Variants in IFT56 observed in about 807,000 individuals in gnomAD.
IFT56 encodes intraflagellar transport protein 56.
the IFT56 span, chr7:139,166,995 C>T: frequency 1.4e-6 from 1 of 698,970 alleles, no homozygotes. Context: ...TAGGCAGACT[C>T]CTGCCTGTAG....
chr7:139,141,021 G>C, the IFT56 span, among the ~76,000 whole-genome samples: 2 of 151,240 alleles, frequency 1.3e-5, no homozygotes, highest in African/African-American at 2.4e-5. Context: ...AGCACTTTGG[G>C]AGGCCGAGGT....
the IFT56 span, chr7:139,178,145 C>A: frequency 1.8e-6 from 2 of 1,092,448 alleles, no homozygotes; most frequent in South Asian, 1.4e-5. Flanking sequence ...TATTAAATAA[C>A]TCAAACTTCA....
At chr7:139,188,987 A>G in the IFT56 span, among the ~76,000 whole-genome samples, 1 of 152,276 alleles carries the variant, frequency 6.6e-6, no homozygotes, top group African/African-American at 2.4e-5. Flanking sequence ...TTCTGGATAT[A>G]CTCTTTCTAG....
chr7:139,139,198 G>A, the IFT56 span, among the ~76,000 whole-genome samples: 2 of 152,208 alleles, frequency 1.3e-5, no homozygotes, highest in African/African-American at 2.4e-5. Flanking sequence ...TTCAAGGACA[G>A]TTAATGAGGA....
the IFT56 span, chr7:139,173,718 A>C: frequency 2.6e-6 from 2 of 769,738 alleles, no homozygotes; most frequent in South Asian, 1.3e-5. Flanking sequence ...TCATTGGCTG[A>C]AAAGGCTGCA....
chr7:139,191,598 A>C, the IFT56 span: 1 of 152,252 alleles, frequency 6.6e-6, no homozygotes, highest in African/African-American at 2.4e-5. Context: ...AAAAAAGCAG[A>C]TATTCCAAAA....
chr7:139,158,989 C>T, the IFT56 span, among the ~76,000 whole-genome samples: 2 of 152,204 alleles, frequency 1.3e-5, no homozygotes, highest in Admixed American at 6.5e-5. Flanking sequence ...CTTCTCTTTA[C>T]ATATCACATA....
the IFT56 span, chr7:139,178,336 C>T: frequency 6.4e-7 from 1 of 1,556,976 alleles, no homozygotes; most frequent in Non-Finnish European, 8.8e-7. Flanking sequence ...ACTTTATATA[C>T]AAAATACTAT....
chr7:139,151,104 CAAATT>C, the IFT56 span, among the ~76,000 whole-genome samples: 1 of 152,074 alleles, frequency 6.6e-6, no homozygotes, highest in Non-Finnish European at 1.5e-5. Flanking sequence ...GTATGACTGA[CAAATT>C]AAGGAGAATC....
the IFT56 span, among the ~76,000 whole-genome samples, chr7:139,158,198 C>A: frequency 6.6e-6 from 1 of 151,406 alleles, no homozygotes; most frequent in Non-Finnish European, 1.5e-5. Flanking sequence ...CCTGTAATCC[C>A]AGCTACTTGG....
the IFT56 span, chr7:139,187,477 G>A: frequency 6.2e-7 from 1 of 1,614,066 alleles, no homozygotes; most frequent in East Asian, 2.2e-5. Context: ...CTGAATATTG[G>A]GAAGGCAAAC....
chr7:139,185,579 A>T, the IFT56 span, among the ~76,000 whole-genome samples: 376 of 152,160 alleles, frequency 2.5e-3, 1 homozygote, highest in Admixed American at 4.6e-3. Context: ...GAGAAGCAGA[A>T]CTCAATTATA....
the IFT56 span, among the ~76,000 whole-genome samples, chr7:139,174,937 C>G: frequency 6.6e-6 from 1 of 151,900 alleles, no homozygotes; most frequent in Non-Finnish European, 1.5e-5. Context: ...AGGAGAATCG[C>G]TTGAATCCAG....
At chr7:139,143,655 A>G in the IFT56 span, among the ~76,000 whole-genome samples, 1 of 152,074 alleles carries the variant, frequency 6.6e-6, no homozygotes, top group South Asian at 2.1e-4. Context: ...AACCTCTAGT[A>G]TATAATCCAT....
At chr7:139,166,915 AT>A in the IFT56 span, 1 of 1,515,742 alleles carries the variant, frequency 6.6e-7, no homozygotes, top group Non-Finnish European at 9.1e-7. Context: ...AATGTTTTAT[AT>A]TTTTACTAAC....
the IFT56 span, among the ~76,000 whole-genome samples, chr7:139,158,688 C>T: frequency 1.2e-4 from 18 of 152,008 alleles, no homozygotes; most frequent in Admixed American, 3.9e-4. Flanking sequence ...CTGAGATAGG[C>T]GGATCATTTG....
the IFT56 span, chr7:139,172,517 TA>T: frequency 2.1e-6 from 1 of 471,694 alleles, no homozygotes; most frequent in Non-Finnish European, 4.2e-6. Context: ...AACACTGTAA[TA>T]AATTGCCCGG....
chr7:139,134,849 C>G, the IFT56 span: 1 of 1,563,450 alleles, frequency 6.4e-7, no homozygotes, highest in African/African-American at 1.4e-5. Flanking sequence ...TAGATGAATG[C>G]TTGGGTGAAT....
chr7:139,186,802 G>A, the IFT56 span, among the ~76,000 whole-genome samples: 2 of 152,090 alleles, frequency 1.3e-5, no homozygotes, highest in African/African-American at 2.4e-5. Context: ...AAAGGCAAAA[G>A]TGCTGATTGT....
Sources: allele counts gnomAD v4.1 joint callset (sites outside exome capture counted in the v4.1 genomes callset), GRCh38; gene constraint gnomAD v4.1.1; transcripts MANE v1.5; gene names NCBI Gene and HGNC (gene_info 2026-07-23, HGNC 2026-07-21).